MSH4: variants seen among roughly 807,000 people sequenced by gnomAD.
MSH4 encodes the protein mutS homolog 4.
In MSH4, 106 loss-of-function variants were observed where a neutral mutation model predicts 113.7. The ratio of observed to expected loss-of-function variants is 0.93; its 90% CI spans 0.80 to 1.10. The LOEUF is 1.10. Among genes scored for constraint, MSH4 ranks in the 50% least tolerant of loss-of-function variants. The probability of loss-of-function intolerance (pLI) is 0.00; values close to 1 mark genes in which losing one functional copy is unlikely to be tolerated. For synonymous variants in MSH4, 368 were observed against 380.2 expected, an observed-to-expected ratio of 0.97 and a Z score of 0.37; for missense variants, 1,061 against 1,093.7, an observed-to-expected ratio of 0.97 and a Z score of 0.42.
intron 6 of MSH4, 100 bp from the exon 7 acceptor site, chr1:75,822,309 A>T (rs61770517): frequency 2.8e-6 from 2 of 726,074 alleles, no homozygotes; most frequent in Non-Finnish European, 4.3e-6. Flanking sequence ...AAAAAAAAGA[A>T]TCATTGCTGT....
In MSH4 at chr1:75,866,565, G is replaced by A. The variant is rs74397935; in HGVS notation, c.1231-949G>A. On this transcript the variant is annotated intron_variant, in intron 8 of 19. Transcript: ENST00000263187. ...TTAGTTTCAGAGATCCATTGTAAGA[G>A]AACATGACATAACCCATTTGGGGCT... Among the ~76,000 whole-genome samples, 628 of 152,232 alleles carry A rather than the reference G, an allele frequency of 4.1e-3. 2 individuals carry two copies. Among genetic ancestry groups the A allele is most frequent in the African/African-American group, 0.014 (584 of 41,536 alleles).
intron 7 of MSH4, among the ~76,000 whole-genome samples, chr1:75,828,918 C>A (rs1650618343): frequency 6.6e-6 from 1 of 152,272 alleles, no homozygotes; most frequent in Non-Finnish European, 1.5e-5. Flanking sequence ...GCATTTCCAA[C>A]TGAGGTGCTG....
intron 4 of MSH4, among the ~76,000 whole-genome samples, chr1:75,814,530 T>C (rs989010404): frequency 4.3e-5 from 6 of 140,074 alleles, no homozygotes; most frequent in African/African-American, 1.3e-4. Flanking sequence ...TAGTATATCA[T>C]AGATAGGTAG....
At chr1:75,807,224 CT>C (rs1280156072) in intron 3 of MSH4, 83 bp downstream of exon 3, 1 of 1,154,208 alleles carries the variant, frequency 8.7e-7, no homozygotes, top group African/African-American at 1.6e-5. Flanking sequence ...AATTTGTTTA[CT>C]TTTTGGTAGA....
intron 18 of MSH4, 134 bp downstream of exon 18, chr1:75,898,215 A>G: frequency 2.1e-6 from 1 of 481,394 alleles, no homozygotes; most frequent in Non-Finnish European, 3.6e-6. Context: ...ATTCTCTTAG[A>G]TTGTATTTTC....
intron 19 of MSH4, among the ~76,000 whole-genome samples, chr1:75,911,767 A>G (rs1328150222): frequency 6.6e-6 from 1 of 152,086 alleles, no homozygotes; most frequent in Non-Finnish European, 1.5e-5. Flanking sequence ...ATATATGGTA[A>G]TCTTATTCTA....
At chr1:75,879,562 G>A (rs1651887019) in intron 12 of MSH4, among the ~76,000 whole-genome samples, 2 of 152,092 alleles carry the variant, frequency 1.3e-5, no homozygotes, top group African/African-American at 2.4e-5. Context: ...GTTTGGGAAA[G>A]TCTAACCCAC....
chr1:75,894,301 A>C (rs1652324173), intron 17 of MSH4, among the ~76,000 whole-genome samples: 1 of 152,208 alleles, frequency 6.6e-6, no homozygotes, highest in Admixed American at 6.5e-5. Context: ...AGCAATCAGA[A>C]TAATCTGACT....
chr1:75,810,833 A>G (rs776076208), intron 4 of MSH4, 26 bp downstream of exon 4: 2 of 1,050,748 alleles, frequency 1.9e-6, no homozygotes, highest in South Asian at 3.1e-5. Flanking sequence ...TGTTTGTAAC[A>G]TTCAAGATCT....
intron 1 of MSH4, 80 bp from the exon 2 acceptor site, chr1:75,803,651 C>G: frequency 9.8e-7 from 1 of 1,022,768 alleles, no homozygotes; most frequent in South Asian, 2.3e-5. Flanking sequence ...GGAAAGTGAA[C>G]ATGGTATAAA....
chr1:75,912,134 A>C (rs1433172509), intron 19 of MSH4, among the ~76,000 whole-genome samples: 1 of 152,082 alleles, frequency 6.6e-6, no homozygotes, highest in Non-Finnish European at 1.5e-5. Context: ...TTTACCCCTC[A>C]GGCAGTATTT....
chr1:75,832,779 C>T (rs960369808), intron 7 of MSH4, among the ~76,000 whole-genome samples: 4 of 80,130 alleles, frequency 5.0e-5, no homozygotes, highest in Non-Finnish European at 8.6e-5. Context: ...ATTGATGGAA[C>T]GTATCTCAAA....
rs901289312 is a variant in MSH4 at position 75,869,124 on chromosome 1, A to G, written c.1305+1536A>G. On this transcript the variant is annotated intron_variant, in intron 9 of 19. Transcript: ENST00000263187. Reference sequence around the variant, plus strand: ...AAATGCTGATAGTTATAGGGATAGTAAGGTCCAGGCTGAGGTGGTCTCAGA... The same window carrying G: ...AAATGCTGATAGTTATAGGGATAGTGAGGTCCAGGCTGAGGTGGTCTCAGA... Among the ~76,000 whole-genome samples the G allele has an allele frequency of 6.6e-5, 10 of 152,170 alleles. No individual in the cohort carries two copies. In the East Asian group the frequency reaches 1.9e-3, roughly 29 times the overall value.
At chr1:75,805,166 C>T (rs2100504026) in intron 2 of MSH4, among the ~76,000 whole-genome samples, 1 of 146,042 alleles carries the variant, frequency 6.8e-6, no homozygotes, top group Non-Finnish European at 1.5e-5. Context: ...TACCAAGTTC[C>T]AGTGGAAATT....
At chr1:75,859,382 T>A (rs1651401004) in intron 8 of MSH4, among the ~76,000 whole-genome samples, 1 of 152,364 alleles carries the variant, frequency 6.6e-6, no homozygotes, top group African/African-American at 2.4e-5. Flanking sequence ...CTTCCCTGCT[T>A]TCTCCTGTGG....
At chr1:75,816,104 T>C (rs1311194024) in intron 5 of MSH4, among the ~76,000 whole-genome samples, 1 of 152,208 alleles carries the variant, frequency 6.6e-6, no homozygotes, top group Non-Finnish European at 1.5e-5. Flanking sequence ...TTTGATTGAA[T>C]GTTACCTCCT....
intron 9 of MSH4, 55 bp downstream of exon 9, chr1:75,867,643 T>A: frequency 2.4e-6 from 3 of 1,253,978 alleles, no homozygotes; most frequent in Non-Finnish European, 1.1e-6. Flanking sequence ...TTTTAACTTT[T>A]TGTTGGAAAA....
chr1:75,875,041 C>A (rs12071623), intron 9 of MSH4, among the ~76,000 whole-genome samples: 1 of 152,044 alleles, frequency 6.6e-6, no homozygotes, highest in East Asian at 1.9e-4. Context: ...CACAGGCACG[C>A]ACCACCATGC....
chr1:75,828,198 C>T (rs1177316296), intron 7 of MSH4, among the ~76,000 whole-genome samples: 1 of 152,196 alleles, frequency 6.6e-6, no homozygotes, highest in Admixed American at 6.5e-5. Context: ...AATGCTCATA[C>T]ATTGTTCTTA....
Sources: allele counts gnomAD v4.1 joint callset (sites outside exome capture counted in the v4.1 genomes callset), GRCh38; gene constraint gnomAD v4.1.1; transcripts MANE v1.5; gene names NCBI Gene and HGNC (gene_info 2026-07-23, HGNC 2026-07-21).